RP1: variants seen among roughly 807,000 people sequenced by gnomAD.
The protein encoded by RP1 is oxygen-regulated protein 1.
A neutral mutation model predicts 14.8 loss-of-function variants in RP1; 16 were observed. That is an observed-to-expected ratio of 1.08 (90% CI 0.73 to 1.65). The LOEUF is 1.65. Among genes scored for constraint, RP1 ranks in the 40% most tolerant of loss-of-function variants. The probability of loss-of-function intolerance (pLI) is 0.00; values close to 1 mark genes in which losing one functional copy is unlikely to be tolerated. For synonymous variants in RP1, 876 were observed against 883.6 expected, an observed-to-expected ratio of 0.99 and a Z score of 0.15; for missense variants, 2,631 against 2,535.0, an observed-to-expected ratio of 1.04 and a Z score of -0.81.
intron 7 of RP1, among the ~76,000 whole-genome samples, chr8:54,665,845 A>G (rs1489563193): frequency 6.6e-6 from 1 of 152,134 alleles, no homozygotes; most frequent in Non-Finnish European, 1.5e-5. Flanking sequence ...AATGTAACCC[A>G]TGGAAATCGT....
At chr8:54,661,432 T>C (rs1806896396) in intron 6 of RP1, among the ~76,000 whole-genome samples, 1 of 151,388 alleles carries the variant, frequency 6.6e-6, no homozygotes, top group Admixed American at 6.6e-5. Context: ...TGAGCCATGA[T>C]TGTTCCACTG....
At chr8:54,784,232 A>G (rs1408387477) in intron 24 of RP1, among the ~76,000 whole-genome samples, 3 of 152,130 alleles carry the variant, frequency 2.0e-5, no homozygotes, top group African/African-American at 7.2e-5. Flanking sequence ...TCTGTGCCTC[A>G]CTTTCCTCAA....
At chr8:54,784,258 A>C (rs1810265627) in intron 24 of RP1, among the ~76,000 whole-genome samples, 1 of 152,148 alleles carries the variant, frequency 6.6e-6, no homozygotes. Flanking sequence ...TTTACTTCGT[A>C]GGGTTAGAAT....
At chr8:54,738,672 G>A (rs1289793985) in intron 18 of RP1, among the ~76,000 whole-genome samples, 1 of 152,016 alleles carries the variant, frequency 6.6e-6, no homozygotes, top group Admixed American at 6.6e-5. Flanking sequence ...TCAGAGAACT[G>A]AGCATATGTG....
chr8:54,678,354 C>A, intron 8 of RP1: 1 of 884,968 alleles, frequency 1.1e-6, no homozygotes, highest in Non-Finnish European at 1.7e-6. Context: ...TTATATTGTA[C>A]AAGACCTTTA....
intron 1 of RP1, among the ~76,000 whole-genome samples, chr8:54,568,972 G>A (rs187548660): frequency 1.2e-3 from 188 of 152,328 alleles, no homozygotes; most frequent in African/African-American, 4.1e-3. Context: ...AAATCCCTAT[G>A]TTCTGGGGTT....
At chr8:54,602,212 G>C (rs1402330243) in intron 1 of RP1, among the ~76,000 whole-genome samples, 2 of 152,100 alleles carry the variant, frequency 1.3e-5, no homozygotes, top group East Asian at 3.9e-4. Context: ...ACAGGCCCCA[G>C]TGTGTGATGT....
chr8:54,869,194 C>A (rs1404062220), intron 28 of RP1, among the ~76,000 whole-genome samples: 4 of 152,002 alleles, frequency 2.6e-5, no homozygotes, highest in African/African-American at 9.7e-5. Context: ...GGATTCAGAT[C>A]AAAATATATT....
chr8:54,861,117 T>C (rs1812332794), intron 27 of RP1, among the ~76,000 whole-genome samples: 1 of 152,220 alleles, frequency 6.6e-6, no homozygotes, highest in Admixed American at 6.5e-5. Flanking sequence ...AAGTATACCA[T>C]AATAGAGTAT....
At chr8:54,682,312 A>G (rs1329781425) in intron 12 of RP1, among the ~76,000 whole-genome samples, 2 of 151,962 alleles carry the variant, frequency 1.3e-5, no homozygotes, top group African/African-American at 4.8e-5. Flanking sequence ...ACATAGGTAT[A>G]CATGTGCCTT....
chr8:54,716,077 G>A (rs720372), intron 15 of RP1, among the ~76,000 whole-genome samples: 68,272 of 151,978 alleles, frequency 0.45, 17,101 homozygotes, highest in African/African-American at 0.68. Context: ...GTTTGGGAAT[G>A]ATATTCAAGT....
At chr8:54,560,401 T>C (rs3802208) in intron 1 of RP1, 129,536 of 152,162 alleles carry the variant, frequency 0.85, 56,264 homozygotes, top group Non-Finnish European at 0.96. Context: ...GAAGGAGCAT[T>C]GGGGCCCGCT....
At chr8:54,838,592 TG>T (rs1563391972) in intron 25 of RP1, among the ~76,000 whole-genome samples, 1 of 152,162 alleles carries the variant, frequency 6.6e-6, no homozygotes, top group Non-Finnish European at 1.5e-5. Context: ...TGTGCGTGAC[TG>T]AATGTATGCA....
chr8:54,716,168 T>C (rs184016138), intron 15 of RP1, among the ~76,000 whole-genome samples: 1 of 152,290 alleles, frequency 6.6e-6, no homozygotes, highest in East Asian at 1.9e-4. Context: ...GAGATTACTA[T>C]AATGAAACAC....
intron 24 of RP1, among the ~76,000 whole-genome samples, chr8:54,827,828 G>A (rs963595282): frequency 6.6e-6 from 1 of 151,710 alleles, no homozygotes; most frequent in Non-Finnish European, 1.5e-5. Context: ...AACCGGGAAG[G>A]CGGAGGTAGC....
intron 25 of RP1, among the ~76,000 whole-genome samples, chr8:54,849,207 A>G (rs975264253): frequency 1.3e-5 from 2 of 152,024 alleles, no homozygotes; most frequent in African/African-American, 4.8e-5. Context: ...GCTACAGTTC[A>G]CCTGTGCATT....
At chr8:54,783,750 T>C in intron 24 of RP1, 1 of 1,157,944 alleles carries the variant, frequency 8.6e-7, no homozygotes, top group Non-Finnish European at 1.1e-6. Context: ...CTAAGATATA[T>C]TGTGATATAC....
chr8:54,663,042 A>G (rs1441917064), intron 6 of RP1, among the ~76,000 whole-genome samples: 2 of 152,182 alleles, frequency 1.3e-5, no homozygotes, highest in Non-Finnish European at 2.9e-5. Flanking sequence ...CCAGAAACAG[A>G]CAATTCATAA....
At chr8:54,711,347 C>T (rs1423617722) in intron 15 of RP1, among the ~76,000 whole-genome samples, 1 of 152,106 alleles carries the variant, frequency 6.6e-6, no homozygotes, top group African/African-American at 2.4e-5. Flanking sequence ...AAATTCCAAT[C>T]CTGTTCTTGG....
Sources: gnomAD v4.1 joint callset for allele counts (sites outside exome capture counted in the v4.1 genomes callset) on GRCh38, gnomAD v4.1.1 for gene constraint, MANE v1.5 for transcripts, NCBI Gene and HGNC (gene_info 2026-07-23, HGNC 2026-07-21) for gene names.